The following GALNT14 variants were observed in gnomAD, a reference collection of about 807,000 sequenced individuals.
GALNT14 encodes the protein UDP-GalNAc:polypeptide N-acetylgalactosaminyltransferase 14.
A neutral mutation model predicts 77.5 loss-of-function variants in GALNT14; 60 were observed. The ratio of observed to expected loss-of-function variants is 0.77; its 90% confidence interval spans 0.63 to 0.96. The LOEUF (loss-of-function observed/expected upper bound fraction) is 0.96. GALNT14 is among the 40% of genes least tolerant of loss of function. The probability of loss-of-function intolerance (pLI) is 0.00; values close to 1 mark genes in which losing one functional copy is unlikely to be tolerated. For missense variants in GALNT14, 710 were observed against 731.0 expected (o/e 0.97, Z 0.33); for synonymous variants, 280 against 281.7 (o/e 0.99, Z 0.06).
In GALNT14 at chr2:30,932,212, CCCT is replaced by C; in HGVS notation, c.932-21_932-19del. On this transcript the variant is annotated intron_variant, in intron 9 of 14. Transcript: ENST00000349752. ...GGAGATTTCTGCAAGACAGTCACGCCCCTCCTATGACCTCTTATCACTGCTGCT... is the reference window on the plus strand; with the variant it reads ...GGAGATTTCTGCAAGACAGTCACGCCCCTATGACCTCTTATCACTGCTGCT... 1 of 1,467,310 alleles carries C rather than the reference CCCT, an allele frequency of 6.8e-7. No individual in the cohort carries two copies. Among genetic ancestry groups the C allele is most frequent in the Non-Finnish European group, 9.1e-7 (1 of 1,104,252 alleles). 90.9% of individuals were successfully genotyped at this position (1,467,310 alleles called of 1,614,324 possible).
intron 1 of GALNT14, among the ~76,000 whole-genome samples, chr2:31,093,947 C>T (rs904705924): frequency 6.6e-6 from 1 of 152,180 alleles, no homozygotes; most frequent in African/African-American, 2.4e-5. Context: ...AAGTGATTCA[C>T]ATTTACTTTA....
At chr2:31,019,328 T>C (rs4245766) in intron 1 of GALNT14, among the ~76,000 whole-genome samples, 63,624 of 152,078 alleles carry the variant, frequency 0.42, 14,213 homozygotes, top group African/African-American at 0.57. Flanking sequence ...GAGTTTATTT[T>C]GAGTGGGTTT....
downstream of GALNT14, among the ~76,000 whole-genome samples, chr2:30,905,924 A>C (rs1225962324): frequency 1.3e-5 from 2 of 152,084 alleles, no homozygotes; most frequent in African/African-American, 4.8e-5. Flanking sequence ...CTTAAAGAAA[A>C]GAATTTTCAA....
intron 1 of GALNT14, among the ~76,000 whole-genome samples, chr2:31,074,057 G>A (rs938197087): frequency 4.6e-5 from 7 of 152,186 alleles, no homozygotes; most frequent in African/African-American, 1.7e-4. Flanking sequence ...TGTGAGTTGA[G>A]GAGTTAGAAG....
chr2:30,942,299 GGAGTCCTGTGCATTTGGAAGAAAAAGA>G lies in GALNT14; in HGVS notation c.828-22_832del. ...CACGAAGAGCCCTCCAGCTATGATA[GGAGTCCTGTGCATTTGGAAGAAAAAGA>G]GAGGGGATCAGTTCTAGTGGGGAGA... On this transcript the variant is annotated splice_acceptor_variant and splice_polypyrimidine_tract_variant and coding_sequence_variant and intron_variant, in exon 9 of 15. Coordinates refer to ENST00000349752, the MANE Select transcript of GALNT14 (RefSeq NM_024572.4). LOFTEE classifies it high-confidence loss of function. 6.2e-7 allele frequency: 1 copy of G among 1,612,872 alleles called. No homozygotes were observed. The highest frequency in any genetic ancestry group is 1.1e-5 in the South Asian group (1 of 91,066).
chr2:31,103,008 G>A (rs532218923), intron 1 of GALNT14, among the ~76,000 whole-genome samples: 50 of 152,056 alleles, frequency 3.3e-4, no homozygotes, highest in Non-Finnish European at 5.6e-4. Flanking sequence ...CAACCTTCCT[G>A]TATCACTTTC....
chr2:31,109,005 T>C (rs756773811), intron 1 of GALNT14, among the ~76,000 whole-genome samples: 8 of 152,228 alleles, frequency 5.3e-5, no homozygotes, highest in Admixed American at 2.0e-4. Flanking sequence ...CAAGTAGACC[T>C]GATCAACTCA....
At chr2:30,920,013 T>C (rs1454597481) in intron 13 of GALNT14, among the ~76,000 whole-genome samples, 1 of 152,146 alleles carries the variant, frequency 6.6e-6, no homozygotes, top group Non-Finnish European at 1.5e-5. Context: ...AAGAATCTCT[T>C]GCCACTCTCC....
intron 1 of GALNT14, among the ~76,000 whole-genome samples, chr2:31,005,357 C>A (rs1670608788): frequency 6.6e-6 from 1 of 152,122 alleles, no homozygotes. Context: ...GGGTCCTGAG[C>A]TTGGCTCAGC....
intron 1 of GALNT14, among the ~76,000 whole-genome samples, chr2:31,043,625 T>A (rs927380222): frequency 1.3e-5 from 2 of 151,756 alleles, no homozygotes; most frequent in African/African-American, 4.8e-5. Flanking sequence ...CTCTCTAGGA[T>A]CCTCCATATT....
At chr2:30,939,442 G>C (rs555524079) in intron 9 of GALNT14, among the ~76,000 whole-genome samples, 2 of 152,260 alleles carry the variant, frequency 1.3e-5, no homozygotes, top group South Asian at 4.1e-4. Flanking sequence ...GGTACCTCTG[G>C]ACCTAAGGCT....
the GALNT14 span, among the ~76,000 whole-genome samples, chr2:30,891,693 G>A: frequency 0.088 from 13,429 of 152,080 alleles, 926 homozygotes; most frequent in East Asian, 0.37. Context: ...CAGTCAGTGC[G>A]GATGGGTAAG....
intron 1 of GALNT14, among the ~76,000 whole-genome samples, chr2:31,104,843 T>C (rs1320652691): frequency 6.6e-6 from 1 of 152,220 alleles, no homozygotes; most frequent in African/African-American, 2.4e-5. Context: ...GATGTTAACC[T>C]TCATCATCTG....
At chr2:31,107,166 C>G (rs1273005776) in intron 1 of GALNT14, among the ~76,000 whole-genome samples, 1 of 152,164 alleles carries the variant, frequency 6.6e-6, no homozygotes, top group Non-Finnish European at 1.5e-5. Flanking sequence ...CTGGATGATC[C>G]TTTGTATAAA....
the GALNT14 span, among the ~76,000 whole-genome samples, chr2:30,903,978 A>C: frequency 6.6e-6 from 1 of 152,196 alleles, no homozygotes; most frequent in Non-Finnish European, 1.5e-5. Flanking sequence ...TAGAGTAAGA[A>C]ACTTCTATGC....
intron 1 of GALNT14, among the ~76,000 whole-genome samples, chr2:31,051,654 A>C (rs770571476): frequency 4.6e-5 from 7 of 152,158 alleles, no homozygotes; most frequent in Non-Finnish European, 7.3e-5. Context: ...GTTTCTTTGA[A>C]GAACCTTGAC....
chr2:31,075,416 C>T (rs112800831), intron 1 of GALNT14, among the ~76,000 whole-genome samples: 1,736 of 152,342 alleles, frequency 0.011, 14 homozygotes, highest in South Asian at 0.028. Flanking sequence ...CCTCCACCCA[C>T]CTAGAAGCTG....
intron 1 of GALNT14, among the ~76,000 whole-genome samples, chr2:31,037,120 T>G (rs1215101112): frequency 6.6e-6 from 1 of 152,210 alleles, no homozygotes; most frequent in Non-Finnish European, 1.5e-5. Flanking sequence ...TATGTTGGCA[T>G]GCTTTATGGT....
intron 7 of GALNT14, among the ~76,000 whole-genome samples, 196 bp downstream of exon 7, chr2:30,945,587 G>A (rs541655139): frequency 1.1e-4 from 16 of 152,182 alleles, no homozygotes; most frequent in Admixed American, 6.5e-5. Flanking sequence ...GGTGCTGGGA[G>A]CATCCTGCCC....
Sources: gnomAD v4.1 joint callset for allele counts (sites outside exome capture counted in the v4.1 genomes callset) on GRCh38, gnomAD v4.1.1 for gene constraint, MANE v1.5 for transcripts, NCBI Gene and HGNC (gene_info 2026-07-23, HGNC 2026-07-21) for gene names.